The following MAP7D1 variants were observed in gnomAD, a reference collection of about 807,000 sequenced individuals.
MAP7D1 encodes MAP7 domain containing 1.
A neutral mutation model predicts 97.5 loss-of-function variants in MAP7D1; 30 were observed. The observed-to-expected ratio is 0.31, with a 90% CI of 0.23 to 0.42. MAP7D1 has a LOEUF of 0.42. MAP7D1 is among the 10% of genes least tolerant of loss of function. MAP7D1 has a pLI of 1.00. For missense variants in MAP7D1, 1,184 were observed against 1,179.5 expected (o/e 1.00, Z -0.06); for synonymous variants, 536 against 477.1 (o/e 1.12, Z -1.61).
At chr1:36,166,687 C>A (rs1470703565) in intron 1 of MAP7D1, among the ~76,000 whole-genome samples, 1 of 152,124 alleles carries the variant, frequency 6.6e-6, no homozygotes, top group Non-Finnish European at 1.5e-5. Context: ...CCGCACCCGG[C>A]CAATCTGACT....
In MAP7D1 at chr1:36,177,984, C is replaced by G. The variant is rs199802965; in HGVS notation, c.1491C>G (p.Pro497=). The G allele has an allele frequency of 5.6e-6, 9 of 1,610,744 alleles. No individual in the cohort carries two copies. In the South Asian group the frequency reaches 9.9e-5, roughly 18 times the overall value. The change falls in exon 9 of 17, where the codon CCC becomes CCG. Residue 497 remains proline (P), a synonymous_variant. Coordinates refer to ENST00000474796, the MANE Select transcript of MAP7D1 (RefSeq NM_001388490.1). The stretch of plus-strand genomic sequence containing the variant: ...CTCTGCCTCCAAAGCCACCGTCCCC[C>G]CGAGGCACCACTGCATCCCCCAAGG... ...GHTLPPKPPS[P]RGTTASPKGR...
chr1:36,161,022 C>T (rs748399148), intron 1 of MAP7D1, among the ~76,000 whole-genome samples: 23 of 152,354 alleles, frequency 1.5e-4, no homozygotes, highest in Non-Finnish European at 2.6e-4. Context: ...GCCCAGGCTG[C>T]GGGATGGGGT....
chr1:36,174,989 C>T lies in MAP7D1; in HGVS notation c.831C>T (p.Leu277=), dbSNP rs1362711332. ...GGCTCTCAAAGTCCTCTGCCACGCT[C>T]TGGAACTCCCCCAGTAGAAGTAAGA... ...NKRLSKSSAT[L]WNSPSRNRSL... is the part of the protein sequence containing the mutation. Residue 277 remains leucine (L), a synonymous_variant, in exon 6 of 17, where the codon CTC becomes CTT. Coordinates refer to ENST00000474796, the MANE Select transcript of MAP7D1 (RefSeq NM_001388490.1). The T allele has an allele frequency of 6.2e-7, 1 of 1,613,542 alleles. No homozygotes were observed. Among genetic ancestry groups the T allele is most frequent in the Non-Finnish European group, 8.5e-7 (1 of 1,179,492 alleles).
chr1:36,180,082 T>C lies in MAP7D1; in HGVS notation c.2512+15T>C, dbSNP rs766796522. 41 of 1,612,812 alleles carry C rather than the reference T, an allele frequency of 2.5e-5. No homozygotes were observed. Among genetic ancestry groups the C allele is most frequent in the Non-Finnish European group, 3.1e-5 (37 of 1,179,236 alleles). On this transcript the variant is annotated intron_variant, in intron 16 of 16. Transcript: ENST00000474796. ...GCAGGTCACAGGTAGATCTCCTGAT[T>C]CCTGGACCCAGCTCCATTCCTCCCA...
At chr1:36,169,373 C>T (rs1394627065) in intron 1 of MAP7D1, among the ~76,000 whole-genome samples, 2 of 151,212 alleles carry the variant, frequency 1.3e-5, no homozygotes, top group Non-Finnish European at 2.9e-5. Flanking sequence ...TGGCTAACAC[C>T]GTGAAACCCC....
chr1:36,165,411 C>T (rs1644461439), intron 1 of MAP7D1, among the ~76,000 whole-genome samples: 1 of 151,762 alleles, frequency 6.6e-6, no homozygotes, highest in Non-Finnish European at 1.5e-5. Flanking sequence ...GTGTGAGCCA[C>T]CTTGCCTGGC....
rs541326781 is a variant in MAP7D1, at chr1:36,176,116, A to T, written c.851-83A>T. 8 of 1,491,204 alleles carry T rather than the reference A, an allele frequency of 5.4e-6. No homozygotes were observed. In the African/African-American group the frequency reaches 5.7e-5, roughly 11 times the overall value. The allele number at this position is 1,491,204 out of a possible 1,614,324, so 92.4% of individuals were successfully genotyped here. ...GAGAAGCCTTGGCCTTGGCATGGGG[A>T]TGGTGCCTGGTCTGCTCCCTTGCCT... On this transcript the variant is annotated intron_variant, in intron 6 of 16. Transcript: ENST00000474796. The surrounding 1 kb of genome is among the most constrained non-coding windows in gnomAD (Gnocchi z 6.1).
At chr1:36,178,384 G>A (rs773059348) in intron 9 of MAP7D1, 35 bp from the exon 10 acceptor site, 1 of 1,593,028 alleles carries the variant, frequency 6.3e-7, no homozygotes, top group South Asian at 1.1e-5. Flanking sequence ...TGTCTGCGTG[G>A]GTGTGCTGAC....
chr1:36,176,602 G>A lies in MAP7D1; in HGVS notation c.1233+21G>A, dbSNP rs764477037. On this transcript the variant is annotated intron_variant, in intron 7 of 16. Transcript: ENST00000474796. This position sits in a 1 kb window ranked among gnomAD's most constrained non-coding sequence, Gnocchi z 6.1. Reference sequence around the variant, plus strand: ...CGCCGGTGAGTGGCTCTACTGGCTCGAGTGGCCGCGCAGGTGGGGACAGGC... The same window carrying A: ...CGCCGGTGAGTGGCTCTACTGGCTCAAGTGGCCGCGCAGGTGGGGACAGGC... 6.5e-7 allele frequency: 1 copy of A among 1,531,164 alleles called. No homozygotes were observed. Among genetic ancestry groups the A allele is most frequent in the South Asian group, 1.3e-5 (1 of 79,688 alleles). The allele number at this position is 1,531,164 out of a possible 1,614,324, so 94.8% of individuals were successfully genotyped here. A position where few individuals can be genotyped will look rare whatever the true frequency, so the allele number is the denominator to read the frequency against.
rs1557767605 is a variant in MAP7D1, at chr1:36,156,173, C to T, written c.-245C>T. 2 of 415,094 alleles carry T rather than the reference C, an allele frequency of 4.8e-6. No homozygotes were observed. Among genetic ancestry groups the T allele is most frequent in the Middle Eastern group, 6.3e-4 (1 of 1,588 alleles). 25.7% of individuals were successfully genotyped at this position (415,094 alleles called of 1,614,324 possible). ...CGGTACAATAGGGTTGGGCCGAGGC[C>T]GGGACTGGGCCGGCGCCGGGCGGGG... is the stretch of plus-strand genomic sequence containing the variant. On this transcript the variant is annotated 5_prime_UTR_variant, in exon 1 of 17. Transcript: ENST00000474796.
At chr1:36,173,236 T>C (rs968938753) in intron 4 of MAP7D1, 128 bp from the exon 5 acceptor site, 6 of 690,168 alleles carry the variant, frequency 8.7e-6, no homozygotes, top group Non-Finnish European at 1.5e-5. Flanking sequence ...TTACCTGCAA[T>C]GAGTCAGGAA....
intron 1 of MAP7D1, among the ~76,000 whole-genome samples, chr1:36,160,852 C>T (rs2124201160): frequency 6.6e-6 from 1 of 152,376 alleles, no homozygotes; most frequent in East Asian, 1.9e-4. Flanking sequence ...AGGTTGGAGC[C>T]TAAGCAGTTG....
chr1:36,156,974 A>T (rs1419530342), intron 1 of MAP7D1, among the ~76,000 whole-genome samples: 2 of 151,232 alleles, frequency 1.3e-5, no homozygotes, highest in African/African-American at 4.9e-5. Flanking sequence ...CCCCCACCCC[A>T]TCCGTCCAGC....
At chr1:36,168,863 A>G (rs959500336) in intron 1 of MAP7D1, among the ~76,000 whole-genome samples, 3 of 152,196 alleles carry the variant, frequency 2.0e-5, no homozygotes, top group Admixed American at 6.5e-5. Context: ...GAATGATCTC[A>G]AATTACCTCT....
At chr1:36,169,652 C>A (rs1016271999) in intron 1 of MAP7D1, among the ~76,000 whole-genome samples, 1 of 152,192 alleles carries the variant, frequency 6.6e-6, no homozygotes, top group Non-Finnish European at 1.5e-5. Flanking sequence ...TCCCATTGAT[C>A]TCCTCAGTGC....
In MAP7D1 at chr1:36,175,004, T is replaced by G; in HGVS notation, c.846T>G (p.Ser282Arg). The G allele has an allele frequency of 1.2e-6, 2 of 1,610,056 alleles. No homozygotes were observed. The highest frequency in any genetic ancestry group is 1.7e-6 in the Non-Finnish European group (2 of 1,176,530). The change falls in exon 6 of 17, where the codon AGT becomes AGG. Residue 282 changes from serine to arginine, a missense_variant. Transcript: ENST00000474796. ...KSSATLWNSP[S>R]RNRSLQLSAW... Reference sequence around the variant, plus strand: ...CTGCCACGCTCTGGAACTCCCCCAGTAGAAGTAAGAGAAGGCCCAGCCCTT... The same window carrying G: ...CTGCCACGCTCTGGAACTCCCCCAGGAGAAGTAAGAGAAGGCCCAGCCCTT...
At chr1:36,161,780 A>G (rs1317945424) in intron 1 of MAP7D1, among the ~76,000 whole-genome samples, 2 of 151,938 alleles carry the variant, frequency 1.3e-5, no homozygotes, top group Admixed American at 6.6e-5. Flanking sequence ...TAGAGGAGGT[A>G]CCTGGCCCCG....
At position 36,174,908 on chromosome 1, in the gene MAP7D1, G is replaced by A. The variant is rs752524820; in HGVS notation, c.750G>A (p.Arg250=). 2 of 1,609,370 alleles carry A rather than the reference G, an allele frequency of 1.2e-6. No homozygotes were observed. Among genetic ancestry groups the A allele is most frequent in the South Asian group, 1.1e-5 (1 of 90,978 alleles). Residue 250 remains arginine (R), a synonymous_variant, in exon 6 of 17, where the codon AGG becomes AGA. Coordinates refer to ENST00000474796, the MANE Select transcript of MAP7D1 (RefSeq NM_001388490.1). ...CTTTTCCCCCTCCAGGTGGGAGCAG[G>A]TGCTCCGTGTCGGCAGTTAACCTGC... ...SSPGHKTSGS[R]CSVSAVNLPK...
chr1:36,177,947 G>A lies in MAP7D1; in HGVS notation c.1454G>A (p.Gly485Glu). Residue 485 changes from glycine (G) to glutamate (E), a missense_variant, in exon 9 of 17, where the codon GGG becomes GAG. Transcript: ENST00000474796. ...CCTGCCTCCCCCTGCCCCAGCCCAG[G>A]GCCAGGCCACACTCTGCCTCCAAAG... ...HRPASPCPSP[G>E]PGHTLPPKPP... is the part of the protein sequence containing the mutation. 1.9e-6 allele frequency: 3 copies of A among 1,593,062 alleles called. No homozygotes were observed. The highest frequency in any genetic ancestry group is 2.6e-6 in the Non-Finnish European group (3 of 1,167,268).
Sources: gnomAD v4.1 joint callset for allele counts (sites outside exome capture counted in the v4.1 genomes callset) on GRCh38, gnomAD v4.1.1 for gene constraint, Gnocchi (gnomAD v3.1) non-coding constraint, MANE v1.5 for transcripts, NCBI Gene and HGNC (gene_info 2026-07-23, HGNC 2026-07-21) for gene names.